Variants in SOS1 observed in about 807,000 individuals in gnomAD.
SOS1 encodes the protein son of sevenless homolog 1.
A neutral mutation model predicts 157.6 loss-of-function variants in SOS1; 25 were observed. That is an observed-to-expected ratio of 0.16 (90% CI 0.12 to 0.22). SOS1 has a LOEUF of 0.22. Ranked by LOEUF, SOS1 falls within the 10% of genes least tolerant of loss-of-function variation. The pLI is 1.00. For missense variants in SOS1, 1,237 were observed against 1,599.1 expected (o/e 0.77, Z 3.86); for synonymous variants, 528 against 534.0 (o/e 0.99, Z 0.16).
At chr2:39,023,299 G>A in intron 9 of SOS1, 74 bp from the exon 10 acceptor site, 1 of 1,116,226 alleles carries the variant, frequency 9.0e-7, no homozygotes. Context: ...AAGGGAAAGT[G>A]TAAAAGTAGA....
intron 1 of SOS1, among the ~76,000 whole-genome samples, chr2:39,115,931 T>C (rs531018915): frequency 6.6e-6 from 1 of 152,302 alleles, no homozygotes; most frequent in South Asian, 2.1e-4. Flanking sequence ...AAGTTCCAAA[T>C]CTGCTTCATC....
intron 6 of SOS1, among the ~76,000 whole-genome samples, chr2:39,038,287 A>C (rs11692687): frequency 1.3e-5 from 2 of 152,164 alleles, no homozygotes; most frequent in Admixed American, 6.5e-5. Flanking sequence ...TGGCTTTGAA[A>C]AGTTCAAGAC....
chr2:39,072,168 A>G (rs765437036), intron 1 of SOS1, among the ~76,000 whole-genome samples: 3 of 152,070 alleles, frequency 2.0e-5, no homozygotes, highest in East Asian at 1.9e-4. Flanking sequence ...TCCCTATACT[A>G]TATATCACAT....
intron 1 of SOS1, among the ~76,000 whole-genome samples, chr2:39,081,022 CA>C (rs764166715): frequency 8.9e-5 from 13 of 145,694 alleles, no homozygotes; most frequent in East Asian, 2.0e-4. Context: ...CTTGTCTCTC[CA>C]AAAAAAAAAT....
intron 1 of SOS1, among the ~76,000 whole-genome samples, chr2:39,105,292 T>G (rs1400523780): frequency 6.8e-6 from 1 of 146,792 alleles, no homozygotes; most frequent in Non-Finnish European, 1.5e-5. Flanking sequence ...CCTGAACTAT[T>G]TTTTTTTTTT....
At chr2:38,987,217 A>T (rs1668583378) in intron 22 of SOS1, among the ~76,000 whole-genome samples, 1 of 152,210 alleles carries the variant, frequency 6.6e-6, no homozygotes, top group Non-Finnish European at 1.5e-5. Flanking sequence ...CTTACTTTAC[A>T]GATTAAAACT....
chr2:39,119,070 C>CA (rs2148240471), intron 1 of SOS1, among the ~76,000 whole-genome samples: 1 of 152,296 alleles, frequency 6.6e-6, no homozygotes, highest in East Asian at 1.9e-4. Flanking sequence ...TCTAGCATCA[C>CA]AGAGACCTCC....
intron 16 of SOS1, 22 bp from the exon 17 acceptor site, chr2:39,006,551 G>A (rs61601281): frequency 4.2e-5 from 50 of 1,200,148 alleles, no homozygotes; most frequent in Non-Finnish European, 5.3e-5. Flanking sequence ...AAAAATAGGC[G>A]TAAGTTTACA....
At chr2:39,086,393 T>A in intron 1 of SOS1, among the ~76,000 whole-genome samples, 1 of 152,204 alleles carries the variant, frequency 6.6e-6, no homozygotes, top group East Asian at 1.9e-4. Context: ...GATGAGCAGA[T>A]GTTTTCATAA....
intron 8 of SOS1, among the ~76,000 whole-genome samples, chr2:39,031,715 C>T (rs1670166134): frequency 1.3e-5 from 2 of 151,984 alleles, no homozygotes; most frequent in African/African-American, 4.8e-5. Context: ...CAGAGTGAGA[C>T]TCTGTCTCAA....
At chr2:39,042,196 G>C (rs1317761204) in intron 6 of SOS1, among the ~76,000 whole-genome samples, 2 of 152,024 alleles carry the variant, frequency 1.3e-5, no homozygotes, top group African/African-American at 4.8e-5. Context: ...ACAAGAACAA[G>C]TCCCCTCAAC....
At position 39,056,657 on chromosome 2, in the gene SOS1, A is replaced by C. The variant is rs746393099; in HGVS notation, c.510+45T>G. The C allele has an allele frequency of 9.3e-6, 12 of 1,296,306 alleles. No homozygotes were observed. The East Asian group carries it at 2.8e-4, about 30-fold the overall frequency. The allele number at this position is 1,296,306 out of a possible 1,614,324, so 80.3% of individuals were successfully genotyped here. On this transcript the variant is annotated intron_variant, in intron 4 of 22. Coordinates refer to ENST00000402219, the MANE Select transcript of SOS1 (RefSeq NM_005633.4). ...ATAGTACGTTAGCATCTAATAAGTC[A>C]TAAAAAGAAACTTAAGAAAAAAATA...
chr2:38,982,635 A>G lies in SOS1; in HGVS notation c.*3189T>C, dbSNP rs1420146817. 1 of 151,984 alleles carries G rather than the reference A, an allele frequency of 6.6e-6. No homozygotes were observed. Among genetic ancestry groups the G allele is most frequent in the Admixed American group, 6.6e-5 (1 of 15,258 alleles). 9.4% of individuals were successfully genotyped at this position (151,984 alleles called of 1,614,324 possible). ...TGTTTCTTTCTAAATCTGAAGGAAC[A>G]AAAAGGTTTTCTTCAATATGTACAA... On this transcript the variant is annotated 3_prime_UTR_variant, in exon 23 of 23. Transcript: ENST00000402219.
chr2:39,002,274 G>A (rs1035991436), intron 17 of SOS1, among the ~76,000 whole-genome samples: 3 of 151,982 alleles, frequency 2.0e-5, no homozygotes, highest in Admixed American at 1.3e-4. Flanking sequence ...GCAGTGAGCC[G>A]AGATCGTGCC....
At chr2:39,069,920 A>C (rs759889041) in intron 1 of SOS1, among the ~76,000 whole-genome samples, 1 of 152,154 alleles carries the variant, frequency 6.6e-6, no homozygotes, top group African/African-American at 2.4e-5. Context: ...TTGCCCAAGA[A>C]CTTTTGATCA....
rs180975005 is a variant in SOS1 at position 39,007,528 on chromosome 2, T to C, written c.2511-335A>G. The stretch of plus-strand genomic sequence containing the variant: ...AGGTCTTTGTGATGTGGGTGTATTC[T>C]AGTAGAATTCAAGAATTCTGTTGTG... On this transcript the variant is annotated intron_variant, in intron 15 of 22. Coordinates refer to ENST00000402219, the MANE Select transcript of SOS1 (RefSeq NM_005633.4). 13 of 238,074 alleles carry C rather than the reference T, an allele frequency of 5.5e-5. No individual in the cohort carries two copies. In the East Asian group the frequency reaches 1.3e-3, roughly 23 times the overall value. The allele number at this position is 238,074 out of a possible 1,614,324, so 14.7% of individuals were successfully genotyped here.
chr2:39,095,165 G>A (rs192492553), intron 1 of SOS1, among the ~76,000 whole-genome samples: 122 of 152,298 alleles, frequency 8.0e-4, no homozygotes, highest in Admixed American at 1.6e-3. Flanking sequence ...AAAAGTTTCA[G>A]AAAGATTCTG....
At chr2:39,124,332 C>A (rs1221083939), upstream of SOS1, 1 of 152,334 alleles carries the variant, frequency 6.6e-6, no homozygotes, top group Non-Finnish European at 1.5e-5. Flanking sequence ...CTGGCGCAGG[C>A]GCAGAGGCTT....
intron 3 of SOS1, among the ~76,000 whole-genome samples, chr2:39,057,923 C>T (rs1296402887): frequency 2.0e-5 from 3 of 151,958 alleles, no homozygotes. Context: ...GTGAACTTGG[C>T]ATAGAAGTTA....
Sources: allele counts gnomAD v4.1 joint callset (sites outside exome capture counted in the v4.1 genomes callset), GRCh38; gene constraint gnomAD v4.1.1; transcripts MANE v1.5; gene names NCBI Gene and HGNC (gene_info 2026-07-23, HGNC 2026-07-21).